The following EFNA5 variants were observed in gnomAD, a reference collection of about 807,000 sequenced individuals.
The protein encoded by EFNA5 is ephrin-A5.
In EFNA5, 5 loss-of-function variants were observed where a neutral mutation model predicts 22.9. That is an observed-to-expected ratio of 0.22 (90% confidence interval 0.11 to 0.46). EFNA5 has a LOEUF of 0.46. Ranked by LOEUF, EFNA5 falls within the 20% of genes least tolerant of loss-of-function variation. EFNA5 has a pLI of 0.99. For synonymous variants in EFNA5, 113 were observed against 112.2 expected (o/e 1.01, Z -0.04); for missense variants, 237 against 293.3 (o/e 0.81, Z 1.40).
At chr5:107,586,575 T>C (rs1305650531) in intron 1 of EFNA5, among the ~76,000 whole-genome samples, 1 of 152,166 alleles carries the variant, frequency 6.6e-6, no homozygotes, top group African/African-American at 2.4e-5. Flanking sequence ...GATGACTGTT[T>C]TTATTACCCC....
At chr5:107,605,473 T>C (rs1052311849) in intron 1 of EFNA5, among the ~76,000 whole-genome samples, 1 of 152,100 alleles carries the variant, frequency 6.6e-6, no homozygotes, top group African/African-American at 2.4e-5. Context: ...AGAAACCTTA[T>C]AGGAGCAATA....
chr5:107,476,057 T>TA, intron 1 of EFNA5, among the ~76,000 whole-genome samples: 8,334 of 98,720 alleles, frequency 0.084, 1,893 homozygotes, highest in East Asian at 0.24. Context: ...TATATATATA[T>TA]TTTTTTTTTT....
At chr5:107,615,977 T>C (rs1397298697) in intron 1 of EFNA5, among the ~76,000 whole-genome samples, 1 of 152,222 alleles carries the variant, frequency 6.6e-6, no homozygotes, top group Non-Finnish European at 1.5e-5. Context: ...TTATAAATTA[T>C]TCTTCAAATT....
At chr5:107,410,850 G>A (rs942830198) in intron 2 of EFNA5, among the ~76,000 whole-genome samples, 1 of 152,120 alleles carries the variant, frequency 6.6e-6, no homozygotes, top group Non-Finnish European at 1.5e-5. Flanking sequence ...TTGGGCAGTG[G>A]CAGAAATGAG....
chr5:107,566,896 T>G (rs1271537286), intron 1 of EFNA5, among the ~76,000 whole-genome samples: 2 of 152,262 alleles, frequency 1.3e-5, no homozygotes, highest in Admixed American at 1.3e-4. Context: ...GTGATTCCCT[T>G]AATTAATCTT....
chr5:107,447,914 C>G (rs1749438620), intron 1 of EFNA5, among the ~76,000 whole-genome samples: 1 of 151,874 alleles, frequency 6.6e-6, no homozygotes, highest in South Asian at 2.1e-4. Flanking sequence ...GTGGCACAAT[C>G]TCAGCTCACT....
intron 1 of EFNA5, among the ~76,000 whole-genome samples, chr5:107,632,190 TC>T (rs1166570906): frequency 6.6e-6 from 1 of 152,284 alleles, no homozygotes; most frequent in Non-Finnish European, 1.5e-5. Flanking sequence ...CCTTGCCATT[TC>T]CCCCATCTTT....
chr5:107,641,049 T>C (rs1047174039), intron 1 of EFNA5, among the ~76,000 whole-genome samples: 6 of 146,302 alleles, frequency 4.1e-5, no homozygotes, highest in Admixed American at 6.8e-5. Flanking sequence ...GATAGATAGA[T>C]AGAATGTATG....
At chr5:107,575,576 A>G (rs1580538565) in intron 1 of EFNA5, among the ~76,000 whole-genome samples, 1 of 151,766 alleles carries the variant, frequency 6.6e-6, no homozygotes, top group East Asian at 1.9e-4. Context: ...TGTAGCTTGG[A>G]TTTTTTTTTC....
chr5:107,442,820 A>T (rs888049215), intron 1 of EFNA5, among the ~76,000 whole-genome samples: 2 of 151,854 alleles, frequency 1.3e-5, no homozygotes, highest in Non-Finnish European at 2.9e-5. Flanking sequence ...TGGGATCAAA[A>T]CAACGCTGAC....
chr5:107,576,360 A>T (rs1468265777), intron 1 of EFNA5, among the ~76,000 whole-genome samples: 2 of 152,220 alleles, frequency 1.3e-5, no homozygotes, highest in African/African-American at 4.8e-5. Flanking sequence ...CAAGCAGATT[A>T]TCTCTGATTG....
intron 1 of EFNA5, among the ~76,000 whole-genome samples, chr5:107,524,156 C>A (rs1747650612): frequency 6.6e-6 from 1 of 152,254 alleles, no homozygotes; most frequent in Non-Finnish European, 1.5e-5. Context: ...GATGAAGTCA[C>A]TGAGCCACGC....
At chr5:107,652,135 C>G (rs1750747296) in intron 1 of EFNA5, among the ~76,000 whole-genome samples, 1 of 152,158 alleles carries the variant, frequency 6.6e-6, no homozygotes, top group Non-Finnish European at 1.5e-5. Context: ...TAAATTCACA[C>G]TCCACAACTT....
At chr5:107,662,660 T>C (rs1009105174) in intron 1 of EFNA5, among the ~76,000 whole-genome samples, 16 of 152,068 alleles carry the variant, frequency 1.1e-4, no homozygotes, top group African/African-American at 3.6e-4. Context: ...AGGAAGAGCC[T>C]ATATTTCAGA....
chr5:107,485,920 T>C (rs1746606070), intron 1 of EFNA5, among the ~76,000 whole-genome samples: 1 of 152,192 alleles, frequency 6.6e-6, no homozygotes, highest in African/African-American at 2.4e-5. Context: ...ATTTGTTTTC[T>C]ATTGAACCTC....
intron 1 of EFNA5, among the ~76,000 whole-genome samples, chr5:107,582,068 T>G (rs1217904697): frequency 3.9e-5 from 6 of 152,146 alleles, no homozygotes. Context: ...TACACAGGTA[T>G]CAATCAGTCG....
intron 1 of EFNA5, among the ~76,000 whole-genome samples, chr5:107,582,874 T>C (rs1375933188): frequency 1.3e-5 from 2 of 152,218 alleles, no homozygotes; most frequent in East Asian, 1.9e-4. Context: ...GATGAATAGA[T>C]AGAAGATTAG....
intron 1 of EFNA5, among the ~76,000 whole-genome samples, chr5:107,644,816 C>T (rs1580578865): frequency 1.3e-5 from 2 of 152,296 alleles, no homozygotes; most frequent in South Asian, 2.1e-4. Context: ...ATTCTGCTGC[C>T]TCAGCCTCCT....
intron 1 of EFNA5, among the ~76,000 whole-genome samples, chr5:107,545,761 T>C (rs1447986797): frequency 6.6e-6 from 1 of 152,188 alleles, no homozygotes; most frequent in Non-Finnish European, 1.5e-5. Context: ...CTGATGGCTC[T>C]GTAATCAACT....
Sources: gnomAD v4.1 joint callset for allele counts (sites outside exome capture counted in the v4.1 genomes callset) on GRCh38, gnomAD v4.1.1 for gene constraint, MANE v1.5 for transcripts, NCBI Gene and HGNC (gene_info 2026-07-23, HGNC 2026-07-21) for gene names.